Variants in PIK3CA observed in about 807,000 individuals in gnomAD.
The protein encoded by PIK3CA is phosphatidylinositol 4,5-bisphosphate 3-kinase catalytic subunit alpha isoform.
PIK3CA carries 27 observed loss-of-function variants against 138.2 expected under a neutral mutation model. That is an observed-to-expected ratio of 0.20 (90% CI 0.14 to 0.27). The LOEUF is 0.27. Ranked by LOEUF, PIK3CA falls within the 10% of genes least tolerant of loss-of-function variation. The pLI is 1.00. For synonymous variants in PIK3CA, 358 were observed against 413.2 expected, an observed-to-expected ratio of 0.87 and a Z score of 1.62; for missense variants, 544 against 1,277.4, an observed-to-expected ratio of 0.43 and a Z score of 8.75.
intron 1 of PIK3CA, among the ~76,000 whole-genome samples, chr3:179,187,732 G>T (rs1168818703): frequency 6.6e-6 from 1 of 151,192 alleles, no homozygotes; most frequent in Non-Finnish European, 1.5e-5. Flanking sequence ...CCACCTCCCG[G>T]GTTCAAGCTA....
intron 1 of PIK3CA, among the ~76,000 whole-genome samples, chr3:179,184,013 G>A (rs2108373003): frequency 6.6e-6 from 1 of 152,264 alleles, no homozygotes; most frequent in East Asian, 1.9e-4. Context: ...AAGATTATTG[G>A]CTAGTGCCTA....
chr3:179,191,877 A>G (rs1040956970), intron 1 of PIK3CA, among the ~76,000 whole-genome samples: 2 of 152,192 alleles, frequency 1.3e-5, no homozygotes, highest in African/African-American at 4.8e-5. Context: ...ACCTCAGGTG[A>G]TCTGCCCTCC....
chr3:179,224,047 T>C (rs914590835), intron 14 of PIK3CA, 34 bp from the exon 15 acceptor site: 11 of 1,174,762 alleles, frequency 9.4e-6, no homozygotes, highest in African/African-American at 9.1e-5. Flanking sequence ...ATTAAGTCAG[T>C]TTCTTACTGT....
intron 1 of PIK3CA, among the ~76,000 whole-genome samples, chr3:179,167,245 G>A (rs1350390382): frequency 6.6e-6 from 1 of 151,998 alleles, no homozygotes. Flanking sequence ...AATAGCTACT[G>A]GACTTGAAGA....
chr3:179,221,696 CTTTTTTTTTTTTTTT>C lies in PIK3CA; in HGVS notation c.2187+554_2187+568del, dbSNP rs200211358. Among the ~76,000 whole-genome samples, 8 of 77,584 alleles carry C rather than the reference CTTTTTTTTTTTTTTT, an allele frequency of 1.0e-4. No individual in the cohort carries two copies. The South Asian group carries it at 1.3e-3, about 13-fold the overall frequency. 50.9% of individuals were successfully genotyped at this position (77,584 alleles called of 152,430 possible). ...CTAAGAGTAGGAAATACAATGTAAA[CTTTTTTTTTTTTTTT>C]TTTTTTTTTTTTTTGAGACAGGGTC... is the stretch of plus-strand genomic sequence containing the variant. On this transcript the variant is annotated intron_variant, in intron 14 of 20. Coordinates refer to ENST00000263967, the MANE Select transcript of PIK3CA (RefSeq NM_006218.4).
At chr3:179,172,327 C>T (rs1242142976) in intron 1 of PIK3CA, among the ~76,000 whole-genome samples, 2 of 151,754 alleles carry the variant, frequency 1.3e-5, no homozygotes, top group Non-Finnish European at 2.9e-5. Flanking sequence ...AAGAACAAGG[C>T]AAGGATGTTT....
chr3:179,173,204 G>A (rs1234513749), intron 1 of PIK3CA, among the ~76,000 whole-genome samples: 1 of 151,694 alleles, frequency 6.6e-6, no homozygotes, highest in Admixed American at 6.6e-5. Context: ...TATTATTTAT[G>A]TGGTAACTGA....
chr3:179,187,277 C>T (rs1441826752), intron 1 of PIK3CA, among the ~76,000 whole-genome samples: 1 of 152,008 alleles, frequency 6.6e-6, no homozygotes, highest in Non-Finnish European at 1.5e-5. Flanking sequence ...GTGGCTCACA[C>T]CTGTAATCCC....
intron 17 of PIK3CA, among the ~76,000 whole-genome samples, chr3:179,229,034 C>A (rs927082663): frequency 1.3e-5 from 2 of 151,978 alleles, no homozygotes; most frequent in African/African-American, 4.8e-5. Context: ...TAATTCTTTT[C>A]TGATAAAAAT....
rs181256358 is a variant in PIK3CA, at chr3:179,184,741, C to T, written c.-76-14009C>T. Reference sequence around the variant, plus strand: ...GGGATTTTTTCCCCTCTGTGGATACCGACTGTTATATTTAAGGAAGATAGA... The same window carrying T: ...GGGATTTTTTCCCCTCTGTGGATACTGACTGTTATATTTAAGGAAGATAGA... On this transcript the variant is annotated intron_variant, in intron 1 of 20. Coordinates refer to ENST00000263967, the MANE Select transcript of PIK3CA (RefSeq NM_006218.4). Among the ~76,000 whole-genome samples, 14 of 152,130 alleles carry T rather than the reference C, an allele frequency of 9.2e-5. No homozygotes were observed. In the South Asian group the frequency reaches 1.2e-3, roughly 14 times the overall value.
chr3:179,186,989 C>A (rs1412573916), intron 1 of PIK3CA, among the ~76,000 whole-genome samples: 2 of 151,974 alleles, frequency 1.3e-5, no homozygotes, highest in Non-Finnish European at 2.9e-5. Flanking sequence ...AGGATTGTTT[C>A]TCTCTTTATG....
At chr3:179,183,947 C>T (rs1486871881) in intron 1 of PIK3CA, among the ~76,000 whole-genome samples, 4 of 152,144 alleles carry the variant, frequency 2.6e-5, no homozygotes, top group Admixed American at 2.6e-4. Context: ...GCCATTAGGG[C>T]CTGTGTCTTG....
At chr3:179,163,635 A>G (rs1723341182) in intron 1 of PIK3CA, among the ~76,000 whole-genome samples, 1 of 152,214 alleles carries the variant, frequency 6.6e-6, no homozygotes, top group Non-Finnish European at 1.5e-5. Flanking sequence ...TACTACAAAT[A>G]CTTTCAAAAG....
intron 1 of PIK3CA, among the ~76,000 whole-genome samples, chr3:179,150,127 G>A (rs1722973081): frequency 6.6e-6 from 1 of 151,352 alleles, no homozygotes; most frequent in Non-Finnish European, 1.5e-5. Flanking sequence ...CTGTTCTGCA[G>A]TGTCATCAGC....
intron 1 of PIK3CA, among the ~76,000 whole-genome samples, chr3:179,160,388 A>G (rs1479500069): frequency 1.0e-5 from 1 of 99,542 alleles, no homozygotes; most frequent in Non-Finnish European, 2.0e-5. Flanking sequence ...AGGTCTAGGT[A>G]TGTTACATTT....
At chr3:179,168,544 C>G (rs1034499648) in intron 1 of PIK3CA, among the ~76,000 whole-genome samples, 1 of 152,048 alleles carries the variant, frequency 6.6e-6, no homozygotes, top group African/African-American at 2.4e-5. Context: ...TCTTTTATAT[C>G]TTTAATTTCC....
intron 1 of PIK3CA, among the ~76,000 whole-genome samples, chr3:179,154,567 C>T (rs11706842): frequency 0.086 from 13,027 of 151,716 alleles, 601 homozygotes; most frequent in African/African-American, 0.11. Context: ...AATTCCCCTT[C>T]GGACTGCTAC....
chr3:179,231,836 T>C (rs537804151), intron 20 of PIK3CA, among the ~76,000 whole-genome samples: 3 of 151,962 alleles, frequency 2.0e-5, no homozygotes, highest in African/African-American at 7.2e-5. Flanking sequence ...AGAGACGGGG[T>C]TTCACCATGT....
chr3:179,183,723 G>C (rs1723906377), intron 1 of PIK3CA, among the ~76,000 whole-genome samples: 1 of 152,204 alleles, frequency 6.6e-6, no homozygotes, highest in African/African-American at 2.4e-5. Flanking sequence ...CATAGGCTGA[G>C]GTTGTGATGT....
Sources: allele counts gnomAD v4.1 joint callset (sites outside exome capture counted in the v4.1 genomes callset), GRCh38; gene constraint gnomAD v4.1.1; transcripts MANE v1.5; gene names NCBI Gene and HGNC (gene_info 2026-07-23, HGNC 2026-07-21).